The following CUBN variants were observed in gnomAD, a reference collection of about 807,000 sequenced individuals.
The protein encoded by CUBN is cubilin.
In CUBN, 282 loss-of-function variants were observed where a neutral mutation model predicts 405.3. The observed-to-expected ratio is 0.70, with a 90% confidence interval of 0.63 to 0.77. The LOEUF is 0.77. CUBN is among the 30% of genes least tolerant of loss of function. The pLI is 0.00. For synonymous variants in CUBN, 1,684 were observed against 1,617.0 expected, an observed-to-expected ratio of 1.04 and a Z score of -0.99; for missense variants, 4,514 against 4,475.2, an observed-to-expected ratio of 1.01 and a Z score of -0.25.
At chr10:16,839,712 C>T (rs1412893295) in intron 62 of CUBN, among the ~76,000 whole-genome samples, 4 of 145,762 alleles carry the variant, frequency 2.7e-5, no homozygotes, top group Non-Finnish European at 4.6e-5. Flanking sequence ...CATCCCATTA[C>T]TGGGTATATA....
At chr10:17,003,874 T>C (rs941790651) in intron 28 of CUBN, among the ~76,000 whole-genome samples, 47 of 152,222 alleles carry the variant, frequency 3.1e-4, no homozygotes, top group African/African-American at 1.1e-3. Context: ...TGATCTATGA[T>C]GTCTCCAGTT....
At chr10:17,069,313 T>C (rs772188940) in intron 19 of CUBN, among the ~76,000 whole-genome samples, 36 of 152,230 alleles carry the variant, frequency 2.4e-4, no homozygotes, top group Non-Finnish European at 2.1e-4. Context: ...AATTTTTGTG[T>C]GGACATATAT....
At chr10:17,073,691 C>A (rs1454659891) in intron 17 of CUBN, among the ~76,000 whole-genome samples, 2 of 150,430 alleles carry the variant, frequency 1.3e-5, no homozygotes, top group Non-Finnish European at 1.5e-5. Context: ...GGTGATCCAC[C>A]CACCTCGGAC....
chr10:17,008,429 C>CGTGTGTGTGT (rs59235819), intron 28 of CUBN, among the ~76,000 whole-genome samples: 15,270 of 131,090 alleles, frequency 0.12, 1,087 homozygotes, highest in Admixed American at 0.17. Flanking sequence ...AATCCCTGCT[C>CGTGTGTGTGT]GTGTGTGTGT....
chr10:16,836,309 C>T lies in CUBN; in HGVS notation c.10106G>A (p.Ser3369Asn). The change falls in exon 63 of 67, where the codon AGT (serine) becomes AAT (asparagine). Residue 3369 changes from serine to asparagine, a missense_variant. Physicochemically the swap from Ser to Asn is conservative, Grantham distance 46. Transcript: ENST00000377833. ...SAVPVFYSSM[S>N]TAMVIFKSGV... is the part of the protein sequence containing the mutation. ...AGATTTGAAAATGACCATTGCAGTACTCATAGAAGAATAAAACACTGGCAC... is the reference window on the plus strand; with the variant it reads ...AGATTTGAAAATGACCATTGCAGTATTCATAGAAGAATAAAACACTGGCAC... The T allele has an allele frequency of 6.2e-7, 1 of 1,613,400 alleles. No individual in the cohort carries two copies. The highest frequency in any genetic ancestry group is 8.5e-7 in the Non-Finnish European group (1 of 1,179,308).
At chr10:16,940,508 G>A (rs966062211) in intron 36 of CUBN, among the ~76,000 whole-genome samples, 1 of 152,184 alleles carries the variant, frequency 6.6e-6, no homozygotes, top group Non-Finnish European at 1.5e-5. Context: ...AAATATATAA[G>A]GCAGAATAGT....
intron 22 of CUBN, among the ~76,000 whole-genome samples, chr10:17,056,540 C>T (rs7922184): frequency 0.42 from 63,748 of 151,476 alleles, 16,190 homozygotes; most frequent in East Asian, 0.68. Flanking sequence ...ACCCGGGAGT[C>T]GGAGCTTGCA....
At position 17,068,117 on chromosome 10, in the gene CUBN, G is replaced by A; in HGVS notation, c.2955C>T (p.Cys985=). The A allele has an allele frequency of 6.2e-7, 1 of 1,613,524 alleles. No individual in the cohort carries two copies. The highest frequency in any genetic ancestry group is 8.5e-7 in the Non-Finnish European group (1 of 1,179,554). Reference sequence around the variant, plus strand: ...CATAAACTTCCAAGTAGTCGTTTGTGCAATTGTAATGAAACTCCAGATGAA... The same window carrying A: ...CATAAACTTCCAAGTAGTCGTTTGTACAATTGTAATGAAACTCCAGATGAA... ...ETFHLEFHYN[C]TNDYLEVYDT... is the part of the protein sequence containing the mutation. The change falls in exon 21 of 67, where the codon TGC becomes TGT. Residue 985 remains cysteine (C), a synonymous_variant. Transcript: ENST00000377833.
chr10:17,027,117 C>G (rs934245777), intron 27 of CUBN, among the ~76,000 whole-genome samples: 1 of 152,124 alleles, frequency 6.6e-6, no homozygotes, highest in Non-Finnish European at 1.5e-5. Context: ...CATTTTTATT[C>G]TGCTTTCTAT....
intron 28 of CUBN, among the ~76,000 whole-genome samples, chr10:16,999,659 A>C (rs1395618482): frequency 6.6e-6 from 1 of 152,256 alleles, no homozygotes; most frequent in Non-Finnish European, 1.5e-5. Context: ...GGCTACTGAA[A>C]GCTTCTTTAT....
chr10:17,051,359 T>TA (rs1043291654), intron 22 of CUBN, among the ~76,000 whole-genome samples: 3 of 151,366 alleles, frequency 2.0e-5, no homozygotes, highest in Non-Finnish European at 4.4e-5. Context: ...GAGTCCGTCT[T>TA]AAAAAAACAA....
intron 59 of CUBN, among the ~76,000 whole-genome samples, chr10:16,869,183 T>G (rs929039828): frequency 6.8e-6 from 1 of 147,698 alleles, no homozygotes; most frequent in African/African-American, 2.6e-5. Flanking sequence ...TTTTTTTTTT[T>G]GAGACAGAGT....
chr10:16,958,050 TGA>T (rs1267710991), intron 31 of CUBN, among the ~76,000 whole-genome samples: 1 of 152,184 alleles, frequency 6.6e-6, no homozygotes, highest in Non-Finnish European at 1.5e-5. Context: ...GTTTTCAGTC[TGA>T]GTGGTTGGAA....
At chr10:16,989,006 G>C (rs1167218874) in intron 29 of CUBN, among the ~76,000 whole-genome samples, 1 of 152,188 alleles carries the variant, frequency 6.6e-6, no homozygotes, top group Non-Finnish European at 1.5e-5. Context: ...GACAATCAGA[G>C]ACGTTGATGC....
rs754365222 is a variant in CUBN, at chr10:16,876,996, T to C, written c.9007A>G (p.Met3003Val). 1.9e-6 allele frequency: 3 copies of C among 1,613,984 alleles called. No homozygotes were observed. Among genetic ancestry groups the C allele is most frequent in the Non-Finnish European group, 2.5e-6 (3 of 1,180,004 alleles). The change falls in exon 57 of 67, where the codon ATG (methionine) becomes GTG (valine). Residue 3003 changes from methionine to valine, a missense_variant. This residue lies in a region of CUBN where 1,186 missense variants were observed against 1,186.9 expected (regional missense o/e 1.00). Transcript: ENST00000377833. ...CCAGCGATGGTGAGGGGAGCTGGCATCTCATCCCCACACACAGTAGCAAAT... is the reference window on the plus strand; with the variant it reads ...CCAGCGATGGTGAGGGGAGCTGGCACCTCATCCCCACACACAGTAGCAAAT... Reference protein sequence around the residue: ...TPFATVCGDEMPAPLTIAGPV... With the variant: ...TPFATVCGDEVPAPLTIAGPV...
intron 51 of CUBN, among the ~76,000 whole-genome samples, chr10:16,903,143 T>C (rs1395334252): frequency 6.6e-6 from 1 of 152,088 alleles, no homozygotes; most frequent in Non-Finnish European, 1.5e-5. Flanking sequence ...CCAAGAGAAA[T>C]AAATCTTTCA....
chr10:17,055,301 C>T (rs1215390803), intron 22 of CUBN, among the ~76,000 whole-genome samples: 1 of 151,998 alleles, frequency 6.6e-6, no homozygotes. Context: ...AAATCCAAAG[C>T]TAACATCATA....
At chr10:17,083,580 T>C (rs1283938044) in intron 17 of CUBN, among the ~76,000 whole-genome samples, 2 of 145,576 alleles carry the variant, frequency 1.4e-5, no homozygotes, top group Non-Finnish European at 3.0e-5. Context: ...GCACTTCAAC[T>C]AAGTCTAGCT....
chr10:16,894,998 G>T (rs985173483), intron 54 of CUBN, among the ~76,000 whole-genome samples: 7 of 152,210 alleles, frequency 4.6e-5, no homozygotes, highest in African/African-American at 1.7e-4. Context: ...GACGATTGAG[G>T]GAGACAGAGC....
Sources: gnomAD v4.1 joint callset for allele counts (sites outside exome capture counted in the v4.1 genomes callset) on GRCh38, gnomAD v4.1.1 for gene constraint, gnomAD v4.1.1 regional missense constraint, MANE v1.5 for transcripts, NCBI Gene and HGNC (gene_info 2026-07-23, HGNC 2026-07-21) for gene names.